The following TBC1D22A variants were observed in gnomAD, a reference collection of about 807,000 sequenced individuals.
TBC1D22A encodes the protein putative GTPase activator.
Under a neutral mutation model 60.2 loss-of-function variants are expected in TBC1D22A, and 38 were observed. The ratio of observed to expected loss-of-function variants is 0.63; its 90% CI spans 0.49 to 0.83. The LOEUF (loss-of-function observed/expected upper bound fraction) is 0.83, where lower values mean the gene tolerates loss of function less well. TBC1D22A is among the 40% of genes least tolerant of loss of function. TBC1D22A has a pLI of 0.00. For synonymous variants in TBC1D22A, 302 were observed against 281.7 expected (o/e 1.07, Z -0.72); for missense variants, 628 against 701.0 (o/e 0.90, Z 1.18).
intron 5 of TBC1D22A, among the ~76,000 whole-genome samples, chr22:46,889,605 C>T (rs12167986): frequency 0.056 from 8,567 of 152,220 alleles, 745 homozygotes; most frequent in African/African-American, 0.19. Context: ...AAATGCTCAT[C>T]GACAGGCGAA....
Position 46,786,723 on chromosome 22 carries a change from C to T in TBC1D22A, c.63-5797C>T, listed in dbSNP as rs1265169252. Among the ~76,000 whole-genome samples the T allele has an allele frequency of 2.0e-5, 3 of 152,134 alleles. No homozygotes were observed. In the South Asian group the frequency reaches 6.2e-4, roughly 31 times the overall value. On this transcript the variant is annotated intron_variant, in intron 1 of 12. Coordinates refer to ENST00000337137, the MANE Select transcript of TBC1D22A (RefSeq NM_014346.5). ...TATTTTTTTGAGACAGGATCTTGCT[C>T]TGTTGCCCACACTTAAGCGCAGTAG... is the stretch of plus-strand genomic sequence containing the variant.
chr22:46,907,022 G>A (rs923654070), intron 7 of TBC1D22A, among the ~76,000 whole-genome samples: 10 of 151,694 alleles, frequency 6.6e-5, no homozygotes, highest in African/African-American at 1.9e-4. Context: ...CTGTGTGCAC[G>A]CTTCGTATGT....
intron 12 of TBC1D22A, among the ~76,000 whole-genome samples, chr22:47,171,833 C>T (rs973196274): frequency 3.3e-5 from 5 of 152,182 alleles, no homozygotes; most frequent in African/African-American, 4.8e-5. Flanking sequence ...CCTCAGTGTC[C>T]GCATCCCGGC....
intron 4 of TBC1D22A, among the ~76,000 whole-genome samples, chr22:46,816,714 A>G (rs1437305859): frequency 3.9e-5 from 6 of 151,914 alleles, no homozygotes; most frequent in Non-Finnish European, 5.9e-5. Flanking sequence ...GCTTATGCAT[A>G]TTATCAATCC....
chr22:46,792,555 T>G lies in TBC1D22A; in HGVS notation c.98T>G (p.Phe33Cys), dbSNP rs1180424417. Residue 33 changes from phenylalanine (F) to cysteine (C), a missense_variant, in exon 2 of 13, where the codon TTT becomes TGT. Transcript: ENST00000337137. ...GTGTATGGTGCCCAGCACCCCCCCT[T>G]TGATCCACTGTTACATGGCACGTAA... ...QHVYGAQHPP[F>C]DPLLHGTLLR... is the part of the protein sequence containing the mutation. 1.2e-6 allele frequency: 2 copies of G among 1,614,236 alleles called. No individual in the cohort carries two copies.
intron 12 of TBC1D22A, among the ~76,000 whole-genome samples, chr22:47,118,757 CAT>C (rs1391521543): frequency 3.3e-5 from 5 of 151,622 alleles, no homozygotes; most frequent in Admixed American, 1.3e-4. Flanking sequence ...TGGCTGAAAA[CAT>C]AGTCCTCCTC....
At chr22:46,896,649 CTGTGT>C (rs779504870) in intron 7 of TBC1D22A, among the ~76,000 whole-genome samples, 2 of 152,136 alleles carry the variant, frequency 1.3e-5, no homozygotes, top group Non-Finnish European at 2.9e-5. Context: ...TCATATAGAT[CTGTGT>C]TGTGTTGTGT....
rs573818754 is a variant in TBC1D22A at position 47,058,038 on chromosome 22, C to T, written c.1329+20840C>T. On this transcript the variant is annotated intron_variant, in intron 11 of 12. Coordinates refer to ENST00000337137, the MANE Select transcript of TBC1D22A (RefSeq NM_014346.5). ...CAGGGCCTCGACCCCCCTTGGGCTG[C>T]CCTAGGTGCAGCAAGGATTGCAGGC... 3.3e-5 allele frequency among the ~76,000 whole-genome samples: 5 copies of T among 152,294 alleles called. No homozygotes were observed. The South Asian group carries it at 1.0e-3, about 32-fold the overall frequency.
intron 7 of TBC1D22A, among the ~76,000 whole-genome samples, chr22:46,904,097 A>ATCAG (rs1200480324): frequency 7.0e-5 from 2 of 28,692 alleles, no homozygotes; most frequent in Non-Finnish European, 1.7e-4. Flanking sequence ...TCTAAATAAA[A>ATCAG]TCTATCTATC....
At chr22:47,059,177 G>A (rs1443384952) in intron 11 of TBC1D22A, among the ~76,000 whole-genome samples, 2 of 152,272 alleles carry the variant, frequency 1.3e-5, no homozygotes, top group African/African-American at 2.4e-5. Flanking sequence ...GTAGCAAAGC[G>A]CTGGGGGACA....
chr22:47,076,186 G>A (rs2064199261), intron 11 of TBC1D22A, among the ~76,000 whole-genome samples: 1 of 151,872 alleles, frequency 6.6e-6, no homozygotes, highest in Non-Finnish European at 1.5e-5. Context: ...ACAAAAACAA[G>A]CTTAATTGAA....
intron 10 of TBC1D22A, among the ~76,000 whole-genome samples, chr22:47,004,756 C>G (rs2061525208): frequency 6.9e-6 from 1 of 145,676 alleles, no homozygotes; most frequent in African/African-American, 2.7e-5. Flanking sequence ...ACATACACAT[C>G]TCTATATACA....
chr22:47,038,170 G>A (rs551837274), intron 11 of TBC1D22A, among the ~76,000 whole-genome samples: 4 of 152,220 alleles, frequency 2.6e-5, no homozygotes, highest in Non-Finnish European at 5.9e-5. Context: ...TGTGGGATTA[G>A]GAATCAAATC....
chr22:46,878,525 G>A, intron 4 of TBC1D22A, 128 bp from the exon 5 acceptor site: 1 of 754,020 alleles, frequency 1.3e-6, no homozygotes, highest in South Asian at 1.5e-5. Context: ...AAATGTTGAT[G>A]ATTTAGTTTA....
At chr22:46,785,579 T>C (rs2084124530) in intron 1 of TBC1D22A, among the ~76,000 whole-genome samples, 1 of 152,224 alleles carries the variant, frequency 6.6e-6, no homozygotes, top group African/African-American at 2.4e-5. Flanking sequence ...GAAAACCTCG[T>C]GTGTCCTTTA....
chr22:47,062,885 A>AGGACC (rs1331468758), intron 11 of TBC1D22A, among the ~76,000 whole-genome samples: 1 of 151,550 alleles, frequency 6.6e-6, no homozygotes, highest in African/African-American at 2.4e-5. Context: ...ACTGGCTCAT[A>AGGACC]GGACCGCACT....
intron 4 of TBC1D22A, among the ~76,000 whole-genome samples, chr22:46,853,887 T>C (rs539011885): frequency 2.2e-4 from 33 of 152,184 alleles, no homozygotes; most frequent in Non-Finnish European, 4.0e-4. Flanking sequence ...TGAGACTCTT[T>C]TCTGCCTCAG....
chr22:46,923,623 T>C (rs1407822413), intron 8 of TBC1D22A, among the ~76,000 whole-genome samples: 1 of 152,234 alleles, frequency 6.6e-6, no homozygotes, highest in East Asian at 1.9e-4. Flanking sequence ...CGCTCAGCGC[T>C]CACTCAGGGG....
At chr22:46,792,453 G>T in intron 1 of TBC1D22A, 67 bp from the exon 2 acceptor site, 1 of 1,607,186 alleles carries the variant, frequency 6.2e-7, no homozygotes, top group Non-Finnish European at 8.5e-7. Flanking sequence ...CCTTTCGGCT[G>T]AGCTGGTGGA....
Sources: allele counts gnomAD v4.1 joint callset (sites outside exome capture counted in the v4.1 genomes callset), GRCh38; gene constraint gnomAD v4.1.1; transcripts MANE v1.5; gene names NCBI Gene and HGNC (gene_info 2026-07-23, HGNC 2026-07-21).